The following GRID1 variants were observed in gnomAD, a reference collection of about 807,000 sequenced individuals.
GRID1 encodes glutamate receptor ionotropic, delta-1.
In GRID1, 28 loss-of-function variants were observed where a neutral mutation model predicts 98.0. The observed-to-expected ratio is 0.29, with a 90% confidence interval of 0.21 to 0.39. The LOEUF is 0.39. Among genes scored for constraint, GRID1 ranks in the 10% least tolerant of loss-of-function variants. GRID1 has a pLI of 1.00. For missense variants in GRID1, 1,111 were observed against 1,340.5 expected, an observed-to-expected ratio of 0.83 and a Z score of 2.67; for synonymous variants, 553 against 538.5, an observed-to-expected ratio of 1.03 and a Z score of -0.37.
chr10:85,918,678 C>T (rs1421868149), intron 4 of GRID1, among the ~76,000 whole-genome samples: 1 of 152,148 alleles, frequency 6.6e-6, no homozygotes, highest in African/African-American at 2.4e-5. Flanking sequence ...TGACCTACAG[C>T]CAATGGCTCC....
chr10:85,868,522 T>A (rs150477744), intron 6 of GRID1, among the ~76,000 whole-genome samples: 2 of 152,246 alleles, frequency 1.3e-5, no homozygotes, highest in African/African-American at 4.8e-5. Flanking sequence ...GTCCTGCCCC[T>A]CCCTGCTCAG....
In GRID1 at chr10:85,727,975, C is replaced by T. The variant is rs754778647; in HGVS notation, c.1413G>A (p.Leu471=). ...KRYKGFSIDV[L]DALAKALGFK... ...AGCCCAGAGCCTTGGCCAGTGCATC[C>T]AGGACATCTATGGAGAACCCTTTGT... The change falls in exon 10 of 16, where the codon CTG becomes CTA. Residue 471 remains leucine (L), a synonymous_variant. Coordinates refer to ENST00000327946, the MANE Select transcript of GRID1 (RefSeq NM_017551.3). The T allele has an allele frequency of 6.2e-6, 10 of 1,613,704 alleles. No homozygotes were observed. The highest frequency in any genetic ancestry group is 2.7e-5 in the African/African-American group (2 of 74,906).
At chr10:86,346,223 G>A (rs952465837) in intron 2 of GRID1, among the ~76,000 whole-genome samples, 3 of 152,234 alleles carry the variant, frequency 2.0e-5, no homozygotes, top group South Asian at 2.1e-4. Flanking sequence ...TGGAAACACC[G>A]TCTCCGCCCC....
At chr10:86,282,223 C>T (rs1306598815) in intron 2 of GRID1, among the ~76,000 whole-genome samples, 1 of 152,192 alleles carries the variant, frequency 6.6e-6, no homozygotes, top group Non-Finnish European at 1.5e-5. Context: ...GCAGTGCCCT[C>T]CTGCTCCCAT....
At chr10:85,832,560 C>A (rs557249073) in intron 8 of GRID1, among the ~76,000 whole-genome samples, 1 of 152,248 alleles carries the variant, frequency 6.6e-6, no homozygotes, top group South Asian at 2.1e-4. Context: ...GATGTAGACT[C>A]ATTTCTCCCT....
chr10:85,626,661 T>A (rs1443820629), intron 13 of GRID1, among the ~76,000 whole-genome samples: 1 of 152,320 alleles, frequency 6.6e-6, no homozygotes, highest in East Asian at 1.9e-4. Flanking sequence ...GAGTTCAGCC[T>A]TTTCAAGCAT....
chr10:85,975,488 G>GA lies in GRID1; in HGVS notation c.727-59250dup, dbSNP rs1381902956. 9.9e-5 allele frequency among the ~76,000 whole-genome samples: 15 copies of GA among 152,110 alleles called. 1 individual carries two copies. Among genetic ancestry groups the GA allele is most frequent in the Non-Finnish European group, 2.2e-4 (15 of 68,034 alleles). On this transcript the variant is annotated intron_variant, in intron 4 of 15. Transcript: ENST00000327946. ...CCTAATTGGATCCTCTACCATACGG[G>GA]AAACAAAATAAAATAAAAAAGCTAT... is the stretch of plus-strand genomic sequence containing the variant.
At chr10:86,352,388 T>C (rs1410978284) in intron 2 of GRID1, among the ~76,000 whole-genome samples, 1 of 152,082 alleles carries the variant, frequency 6.6e-6, no homozygotes, top group Non-Finnish European at 1.5e-5. Flanking sequence ...CAAAACACCA[T>C]AGACAGGTGG....
Position 86,207,463 on chromosome 10 carries a change from A to G in GRID1, c.236-815T>C, listed in dbSNP as rs925834327. Among the ~76,000 whole-genome samples, 327 of 152,244 alleles carry G rather than the reference A, an allele frequency of 2.1e-3. 2 individuals are homozygous for G. Among genetic ancestry groups the G allele is most frequent in the Non-Finnish European group, 2.9e-4 (20 of 68,012 alleles). On this transcript the variant is annotated intron_variant, in intron 2 of 15. Coordinates refer to ENST00000327946, the MANE Select transcript of GRID1 (RefSeq NM_017551.3). ...TCTTTACAAGTTCTCCTGTAACTGC[A>G]AGAGGCGCCCCTTGTAGCCACGTGC...
At chr10:86,004,979 G>A (rs935368916) in intron 4 of GRID1, among the ~76,000 whole-genome samples, 1 of 149,874 alleles carries the variant, frequency 6.7e-6, no homozygotes, top group South Asian at 2.1e-4. Flanking sequence ...GAGTAAGACT[G>A]AGGCTTAGAG....
chr10:85,614,749 A>G (rs1842769697), intron 14 of GRID1, among the ~76,000 whole-genome samples: 1 of 152,148 alleles, frequency 6.6e-6, no homozygotes, highest in Non-Finnish European at 1.5e-5. Flanking sequence ...CTGAGGGGGC[A>G]TGAGAGGCAG....
chr10:85,963,334 C>T (rs1842294510), intron 4 of GRID1, among the ~76,000 whole-genome samples: 1 of 152,164 alleles, frequency 6.6e-6, no homozygotes. Flanking sequence ...TACCTTACTC[C>T]CAGGTATTGA....
chr10:85,706,067 T>G (rs868371172), intron 12 of GRID1, among the ~76,000 whole-genome samples: 1 of 152,148 alleles, frequency 6.6e-6, no homozygotes, highest in Non-Finnish European at 1.5e-5. Flanking sequence ...AGGGATGCCC[T>G]CTCTCACCAC....
rs1440660734 is a variant in GRID1, at chr10:86,311,599, TG to T, written c.235+52341del. Among the ~76,000 whole-genome samples the T allele has an allele frequency of 2.8e-3, 5 of 1,800 alleles. No homozygotes were observed. The Admixed American group carries it at 0.034, about 12-fold the overall frequency. 1.2% of individuals were successfully genotyped at this position (1,800 alleles called of 152,430 possible). ...TCCTGAGAACACTGGGATGCCAGAG[TG>T]GAAAAAAAAAAATGCACTGCTGCCT... On this transcript the variant is annotated intron_variant, in intron 2 of 15. Coordinates refer to ENST00000327946, the MANE Select transcript of GRID1 (RefSeq NM_017551.3).
intron 2 of GRID1, among the ~76,000 whole-genome samples, chr10:86,211,374 A>C (rs1846105307): frequency 6.6e-6 from 1 of 152,214 alleles, no homozygotes; most frequent in African/African-American, 2.4e-5. Context: ...CAGCTGGGAA[A>C]GTAAGTAAAG....
chr10:86,167,483 C>T (rs544278749), intron 3 of GRID1, among the ~76,000 whole-genome samples: 13 of 152,314 alleles, frequency 8.5e-5, no homozygotes, highest in African/African-American at 3.1e-4. Flanking sequence ...CTGGCTGTTC[C>T]CAAGGACCTC....
chr10:86,228,992 G>A (rs189298253), intron 2 of GRID1, among the ~76,000 whole-genome samples: 102 of 152,322 alleles, frequency 6.7e-4, no homozygotes, highest in Non-Finnish European at 1.2e-3. Flanking sequence ...GGGTGTGGGT[G>A]TGGAGGCAGT....
At chr10:86,160,711 T>C in intron 3 of GRID1, among the ~76,000 whole-genome samples, 1 of 152,232 alleles carries the variant, frequency 6.6e-6, no homozygotes. Context: ...TGCTCCCTCA[T>C]ATAGTCCTTG....
At chr10:85,990,101 A>C (rs1261787347) in intron 4 of GRID1, among the ~76,000 whole-genome samples, 1 of 152,202 alleles carries the variant, frequency 6.6e-6, no homozygotes, top group Non-Finnish European at 1.5e-5. Flanking sequence ...ATGAGCCACC[A>C]AGTCTATGGT....
Sources: allele counts gnomAD v4.1 joint callset (sites outside exome capture counted in the v4.1 genomes callset), GRCh38; gene constraint gnomAD v4.1.1; transcripts MANE v1.5; gene names NCBI Gene and HGNC (gene_info 2026-07-23, HGNC 2026-07-21).